The following ATP2A1 variants were observed in gnomAD, a reference collection of about 807,000 sequenced individuals.
ATP2A1 encodes the protein sarcoplasmic/endoplasmic reticulum calcium ATPase 1.
A neutral mutation model predicts 109.5 loss-of-function variants in ATP2A1; 83 were observed. The observed-to-expected ratio is 0.76, with a 90% confidence interval of 0.63 to 0.91. The LOEUF (loss-of-function observed/expected upper bound fraction) is 0.91. ATP2A1 is among the 40% of genes least tolerant of loss of function. ATP2A1 has a pLI of 0.00. For synonymous variants in ATP2A1, 505 were observed against 537.6 expected (o/e 0.94, Z 0.84); for missense variants, 1,101 against 1,341.0 (o/e 0.82, Z 2.80).
chr16:28,894,098 G>T, intron 9 of ATP2A1, 57 bp from the exon 10 acceptor site: 1 of 1,494,068 alleles, frequency 6.7e-7, no homozygotes. Context: ...TGATGCAGGT[G>T]CCCACCTTGG....
At chr16:28,886,301 C>T (rs576721766) in intron 6 of ATP2A1, among the ~76,000 whole-genome samples, 5 of 152,182 alleles carry the variant, frequency 3.3e-5, no homozygotes, top group South Asian at 2.1e-4. Flanking sequence ...CACACCACTG[C>T]GTTCCAGCCT....
chr16:28,895,008 T>G (rs953856354), intron 12 of ATP2A1, 55 bp downstream of exon 12: 64 of 1,602,938 alleles, frequency 4.0e-5, no homozygotes, highest in Non-Finnish European at 5.2e-5. Context: ...CTGCATAGAC[T>G]AGAGGAAGGC....
At chr16:28,900,328 C>T (rs1236578638) in intron 14 of ATP2A1, among the ~76,000 whole-genome samples, 2 of 151,890 alleles carry the variant, frequency 1.3e-5, no homozygotes. Context: ...AAGATACGAT[C>T]TGACCCATGA....
At position 28,887,231 on chromosome 16, in the gene ATP2A1, AC is replaced by A. The variant is rs1187948767; in HGVS notation, c.592del (p.Arg198GlufsTer136). 11 of 1,612,174 alleles carry A rather than the reference AC, an allele frequency of 6.8e-6. No individual in the cohort carries two copies. Among genetic ancestry groups the A allele is most frequent in the Non-Finnish European group, 9.3e-6 (11 of 1,179,698 alleles). On this transcript the variant is annotated frameshift_variant, in exon 7 of 23. Transcript: ENST00000395503. LOFTEE classifies it high-confidence loss of function. ...SVIKHTEPVP[D>X]PRAVNQDKKN... ...ATCAAACACACGGAGCCCGTTCCTG[AC>A]CCCCGAGCTGTCAACCAGGACAAGA... is the stretch of plus-strand genomic sequence containing the variant.
chr16:28,879,857 G>A (rs1596660404), intron 3 of ATP2A1: 1 of 576,266 alleles, frequency 1.7e-6, no homozygotes, highest in Non-Finnish European at 2.6e-6. Context: ...GGAGAGCTCG[G>A]GTTACCCACC....
intron 8 of ATP2A1, among the ~76,000 whole-genome samples, chr16:28,888,103 G>A (rs1963670195): frequency 6.6e-6 from 1 of 150,982 alleles, no homozygotes; most frequent in Non-Finnish European, 1.5e-5. Flanking sequence ...ACCCGGCCTT[G>A]CTCAGTGCAA....
At position 28,903,315 on chromosome 16, in the gene ATP2A1, T is replaced by C. The variant is rs1964144307; in HGVS notation, c.2863-8T>C. 1 of 1,610,840 alleles carries C rather than the reference T, an allele frequency of 6.2e-7. No individual in the cohort carries two copies. Reference sequence around the variant, plus strand: ...CCCTCCTGAGAGGGCGCTTGTCCCCTGCCCCAGATGATCTTCAAGCTCCGG... The same window carrying C: ...CCCTCCTGAGAGGGCGCTTGTCCCCCGCCCCAGATGATCTTCAAGCTCCGG... On this transcript the variant is annotated splice_polypyrimidine_tract_variant and splice_region_variant and intron_variant, in intron 20 of 22. Coordinates refer to ENST00000395503, the MANE Select transcript of ATP2A1 (RefSeq NM_004320.6). The surrounding 1 kb of genome is among the most constrained non-coding windows in gnomAD (Gnocchi z 5.6).
chr16:28,879,773 G>T, intron 3 of ATP2A1, 190 bp downstream of exon 3: 1 of 749,800 alleles, frequency 1.3e-6, no homozygotes, highest in South Asian at 1.7e-5. Flanking sequence ...CCAGAGGCAG[G>T]TTTTATTTTA....
chr16:28,888,708 G>T (rs1434009421), intron 8 of ATP2A1, 79 bp from the exon 9 acceptor site: 3 of 1,525,956 alleles, frequency 2.0e-6, no homozygotes, highest in Non-Finnish European at 2.7e-6. Flanking sequence ...CCCAGCTGGG[G>T]GCTACTATTT....
Position 28,883,122 on chromosome 16 carries a change from G to T in ATP2A1, c.463+533G>T, listed in dbSNP as rs998790710. Among the ~76,000 whole-genome samples, 1 of 152,218 alleles carries T rather than the reference G, an allele frequency of 6.6e-6. No homozygotes were observed. Among genetic ancestry groups the T allele is most frequent in the African/African-American group, 2.4e-5 (1 of 41,462 alleles). ...GGAGCTCAAGGAGGGCCCCGCCCGC[G>T]GCAAGGGACACTTAATGCCTGGCCA... On this transcript the variant is annotated intron_variant, in intron 5 of 22. Coordinates refer to ENST00000395503, the MANE Select transcript of ATP2A1 (RefSeq NM_004320.6). This position sits in a 1 kb window ranked among gnomAD's most constrained non-coding sequence, Gnocchi z 5.2.
rs1312908773 is a variant in ATP2A1 at position 28,901,988 on chromosome 16, C to T, written c.2226C>T (p.Thr742=). ...TGCTGGCTGACGACAACTTCTCCAC[C>T]ATCGTAGCTGCTGTGGAGGAGGGCC... ...EMVLADDNFS[T]IVAAVEEGRA... is the part of the protein sequence containing the mutation. Residue 742 remains threonine (T), a synonymous_variant, in exon 16 of 23, where the codon ACC becomes ACT. Coordinates refer to ENST00000395503, the MANE Select transcript of ATP2A1 (RefSeq NM_004320.6). 6.2e-7 allele frequency: 1 copy of T among 1,614,088 alleles called. No homozygotes were observed. Among genetic ancestry groups the T allele is most frequent in the East Asian group, 2.2e-5 (1 of 44,890 alleles).
Position 28,894,916 on chromosome 16 carries a change from G to A in ATP2A1, c.1382G>A (p.Ser461Asn), listed in dbSNP as rs2152209664. ...KMNVFNTDVR[S>N]LSKVERANAC... Reference sequence around the variant, plus strand: ...AATGTGTTCAACACGGATGTGAGAAGCCTCTCGAAGGTGGAGAGAGCCAAC... The same window carrying A: ...AATGTGTTCAACACGGATGTGAGAAACCTCTCGAAGGTGGAGAGAGCCAAC... Residue 461 changes from serine to asparagine, a missense_variant, in exon 12 of 23, where the codon AGC (serine) becomes AAC (asparagine). Ser to Asn is a conservative substitution (Grantham distance 46). Coordinates refer to ENST00000395503, the MANE Select transcript of ATP2A1 (RefSeq NM_004320.6). 2 of 1,612,422 alleles carry A rather than the reference G, an allele frequency of 1.2e-6. No individual in the cohort carries two copies. The highest frequency in any genetic ancestry group is 1.7e-6 in the Non-Finnish European group (2 of 1,180,012).
Position 28,886,011 on chromosome 16 carries a change from A to T in ATP2A1, c.545-1178A>T, listed in dbSNP as rs1963605825. 2.0e-5 allele frequency among the ~76,000 whole-genome samples: 3 copies of T among 151,698 alleles called. No individual in the cohort carries two copies. In the South Asian group the frequency reaches 6.3e-4, roughly 32 times the overall value. On this transcript the variant is annotated intron_variant, in intron 6 of 22. Transcript: ENST00000395503. Reference sequence around the variant, plus strand: ...CGAGACCCCATCTCTATAAAAAAAAAATTTTTTTAACTAGCTGGGTGTGGT... The same window carrying T: ...CGAGACCCCATCTCTATAAAAAAAATATTTTTTTAACTAGCTGGGTGTGGT...
At chr16:28,882,655 G>A in intron 5 of ATP2A1, 66 bp downstream of exon 5, 1 of 1,593,314 alleles carries the variant, frequency 6.3e-7, no homozygotes, top group Non-Finnish European at 8.6e-7. Context: ...AGATGCCGGG[G>A]GCTGGTCAGG....
chr16:28,902,689 G>A lies in ATP2A1; in HGVS notation c.2610+24G>A. On this transcript the variant is annotated intron_variant, in intron 18 of 22. Transcript: ENST00000395503. The surrounding 1 kb of genome is among the most constrained non-coding windows in gnomAD (Gnocchi z 4.8). The stretch of plus-strand genomic sequence containing the variant: ...TGGTAGGGGGAGGCCACAAAGGAGG[G>A]GACCAGGAGGGTGTGGGGATGCAGG... The A allele has an allele frequency of 6.2e-7, 1 of 1,613,996 alleles. No homozygotes were observed. Among genetic ancestry groups the A allele is most frequent in the Non-Finnish European group, 8.5e-7 (1 of 1,179,938 alleles).
intron 6 of ATP2A1, among the ~76,000 whole-genome samples, chr16:28,885,203 C>T (rs1167752109): frequency 6.7e-6 from 1 of 148,704 alleles, no homozygotes; most frequent in East Asian, 2.1e-4. Flanking sequence ...GAGCCAAGAT[C>T]ATGTCACTGC....
At chr16:28,882,084 G>A (rs754645444) in intron 4 of ATP2A1, among the ~76,000 whole-genome samples, 6 of 147,198 alleles carry the variant, frequency 4.1e-5, no homozygotes, top group African/African-American at 7.6e-5. Flanking sequence ...TTACAGGCGC[G>A]TGCTACTACG....
Position 28,898,597 on chromosome 16 carries a change from A to T in ATP2A1, c.1764+146A>T. 3 of 1,004,206 alleles carry T rather than the reference A, an allele frequency of 3.0e-6. No individual in the cohort carries two copies. The highest frequency in any genetic ancestry group is 4.4e-6 in the Non-Finnish European group (3 of 676,640). The allele number at this position is 1,004,206 out of a possible 1,614,324, so 62.2% of individuals were successfully genotyped here. ...AGTACAGGCCATGGAATCACAGGAC[A>T]GTAGAGTTTCAGAGAACCTTGGGAG... On this transcript the variant is annotated intron_variant, in intron 14 of 22. Coordinates refer to ENST00000395503, the MANE Select transcript of ATP2A1 (RefSeq NM_004320.6). The surrounding 1 kb of genome is among the most constrained non-coding windows in gnomAD (Gnocchi z 4.0).
chr16:28,901,956 G>C lies in ATP2A1; in HGVS notation c.2194G>C (p.Glu732Gln). Reference sequence around the variant, plus strand: ...CACTGCCGTGGCCAAGACTGCCTCTGAGATGGTGCTGGCTGACGACAACTT... The same window carrying C: ...CACTGCCGTGGCCAAGACTGCCTCTCAGATGGTGCTGGCTGACGACAACTT... ...SGTAVAKTAS[E>Q]MVLADDNFST... Residue 732 changes from glutamate (E) to glutamine (Q), a missense_variant, in exon 16 of 23, where the codon GAG (glutamate) becomes CAG (glutamine). Coordinates refer to ENST00000395503, the MANE Select transcript of ATP2A1 (RefSeq NM_004320.6). 6.2e-7 allele frequency: 1 copy of C among 1,614,260 alleles called. No individual in the cohort carries two copies. Among genetic ancestry groups the C allele is most frequent in the Non-Finnish European group, 8.5e-7 (1 of 1,180,046 alleles).
Sources: gnomAD v4.1 joint callset for allele counts (sites outside exome capture counted in the v4.1 genomes callset) on GRCh38, gnomAD v4.1.1 for gene constraint, Gnocchi (gnomAD v3.1) non-coding constraint, MANE v1.5 for transcripts, NCBI Gene and HGNC (gene_info 2026-07-23, HGNC 2026-07-21) for gene names.